Variants in ACSF2 observed in about 807,000 individuals in gnomAD.
ACSF2 encodes acyl-CoA synthetase family member 2.
ACSF2 carries 52 observed loss-of-function variants against 79.3 expected under a neutral mutation model. That is an observed-to-expected ratio of 0.66 (90% CI 0.53 to 0.83). The LOEUF is 0.83. Ranked by LOEUF, ACSF2 falls within the 40% of genes least tolerant of loss-of-function variation. ACSF2 has a pLI of 0.00. For synonymous variants in ACSF2, 283 were observed against 312.6 expected, an observed-to-expected ratio of 0.91 and a Z score of 1.00; for missense variants, 661 against 803.3, an observed-to-expected ratio of 0.82 and a Z score of 2.14.
rs77790544 is a variant in ACSF2, at chr17:50,429,341, C to T, written c.128+2952C>T. Among the ~76,000 whole-genome samples the T allele has an allele frequency of 9.1e-4, 138 of 152,208 alleles. 1 individual carries two copies. Among genetic ancestry groups the T allele is most frequent in the African/African-American group, 3.2e-3 (134 of 41,514 alleles). On this transcript the variant is annotated intron_variant, in intron 1 of 15. Transcript: ENST00000300441. ...CTTGACTGGTGTCTGGGTGGGAATT[C>T]TGACTGATTTGAAAGTAGGAGAGGA...
Position 50,473,912 on chromosome 17 carries a change from G to T in ACSF2, c.1636G>T (p.Asp546Tyr). Reference sequence around the variant, plus strand: ...CTGGAAGGTGGTGGGAGTGAAGGACGATCGGATGGGGGAAGAGATTTGTGC... The same window carrying T: ...CTGGAAGGTGGTGGGAGTGAAGGACTATCGGATGGGGGAAGAGATTTGTGC... Reference protein sequence around the residue: ...QEVQVVGVKDDRMGEEICACI... With the variant: ...QEVQVVGVKDYRMGEEICACI... Residue 546 changes from aspartate to tyrosine, a missense_variant, in exon 14 of 16, where the codon GAT becomes TAT. Asp to Tyr is a radical substitution (Grantham distance 160). Transcript: ENST00000300441. 1 of 1,587,300 alleles carries T rather than the reference G, an allele frequency of 6.3e-7. No individual in the cohort carries two copies. The highest frequency in any genetic ancestry group is 8.6e-7 in the Non-Finnish European group (1 of 1,163,946).
In ACSF2 at chr17:50,445,375, G is replaced by A. The variant is rs559723807; in HGVS notation, c.129-15302G>A. ...AAAACCTGTATGATTGCATTACAGA[G>A]GAGATACTCAGTGTTCCTTTTCTCT... On this transcript the variant is annotated intron_variant, in intron 1 of 15. Transcript: ENST00000300441. Among the ~76,000 whole-genome samples the A allele has an allele frequency of 2.5e-3, 388 of 152,282 alleles. 2 individuals are homozygous for A. The highest frequency in any genetic ancestry group is 8.9e-3 in the African/African-American group (371 of 41,562).
chr17:50,449,320 T>C (rs2031509510), intron 1 of ACSF2, among the ~76,000 whole-genome samples: 1 of 151,260 alleles, frequency 6.6e-6, no homozygotes, highest in Admixed American at 6.6e-5. Context: ...CCCGGCCCAA[T>C]ATATAGTCTT....
In ACSF2 at chr17:50,426,240, G is replaced by C. The variant is rs757421158; in HGVS notation, c.-22G>C. The C allele has an allele frequency of 9.1e-6, 12 of 1,323,722 alleles. No individual in the cohort carries two copies. In the Admixed American group the frequency reaches 3.4e-4, roughly 37 times the overall value. The allele number at this position is 1,323,722 out of a possible 1,614,324, so 82.0% of individuals were successfully genotyped here. The stretch of plus-strand genomic sequence containing the variant: ...CTCACTTTAAAAGTTTACTCGGGCC[G>C]GGACGCAGGGCAAAGCGAGCCATGG... On this transcript the variant is annotated 5_prime_UTR_variant, in exon 1 of 16. Transcript: ENST00000300441.
chr17:50,433,782 C>A (rs1224929879), intron 1 of ACSF2, among the ~76,000 whole-genome samples: 2 of 151,994 alleles, frequency 1.3e-5, no homozygotes, highest in African/African-American at 4.8e-5. Flanking sequence ...CCATGCCTTG[C>A]TAAATTTTTT....
At chr17:50,443,151 G>A (rs561054501) in intron 1 of ACSF2, among the ~76,000 whole-genome samples, 7 of 151,986 alleles carry the variant, frequency 4.6e-5, no homozygotes, top group African/African-American at 1.2e-4. Context: ...CTTGTGATCC[G>A]TCCACCTCAG....
intron 1 of ACSF2, among the ~76,000 whole-genome samples, chr17:50,432,763 C>T (rs1281777765): frequency 6.6e-6 from 1 of 152,212 alleles, no homozygotes; most frequent in Non-Finnish European, 1.5e-5. Flanking sequence ...CCCAGTCCTA[C>T]CAGTCCTAAC....
intron 10 of ACSF2, among the ~76,000 whole-genome samples, chr17:50,466,595 G>C (rs939312414): frequency 6.6e-6 from 1 of 152,220 alleles, no homozygotes; most frequent in Admixed American, 6.5e-5. Flanking sequence ...AACTTGGTCT[G>C]TGCTTGGTGG....
rs375681375 is a variant in ACSF2 at position 50,456,183 on chromosome 17, C to A, written c.129-4494C>A. ...CCTGACACGCCCCAACCCCAGTAAT[C>A]ATCGTGCATTTAACTTAGGGGTTGC... On this transcript the variant is annotated intron_variant, in intron 1 of 15. Transcript: ENST00000300441. Among the ~76,000 whole-genome samples, 8 of 152,298 alleles carry A rather than the reference C, an allele frequency of 5.3e-5. No individual in the cohort carries two copies. The East Asian group carries it at 7.7e-4, about 15-fold the overall frequency.
At chr17:50,469,108 G>C (rs1001398855) in intron 10 of ACSF2, 2 of 1,133,078 alleles carry the variant, frequency 1.8e-6, no homozygotes, top group Non-Finnish European at 1.1e-6. Flanking sequence ...CCCGGCTGTA[G>C]CCCCCCGCTC....
intron 1 of ACSF2, among the ~76,000 whole-genome samples, chr17:50,428,882 A>G (rs1391981208): frequency 6.6e-6 from 1 of 152,272 alleles, no homozygotes; most frequent in Non-Finnish European, 1.5e-5. Flanking sequence ...CATGCTGTGC[A>G]TATAGAGGCC....
chr17:50,468,454 G>A, intron 10 of ACSF2: 1 of 1,614,050 alleles, frequency 6.2e-7, no homozygotes, highest in Non-Finnish European at 8.5e-7. Context: ...CGGTCAGGTC[G>A]TCGAAGGCAC....
In ACSF2 at chr17:50,426,504, A is replaced by ACCCGCCCCTCC. The variant is rs1419391031; in HGVS notation, c.128+124_128+134dup. On this transcript the variant is annotated intron_variant, in intron 1 of 15. Coordinates refer to ENST00000300441, the MANE Select transcript of ACSF2 (RefSeq NM_025149.6). ...TGGACGAGTGCACTGGGGGGAAGGT[A>ACCCGCCCCTCC]CCCGCCCCTCCCCCGCCCCCCGCCA... is the stretch of plus-strand genomic sequence containing the variant. The ACCCGCCCCTCC allele has an allele frequency of 1.1e-5, 13 of 1,178,380 alleles. No individual in the cohort carries two copies. In the South Asian group the frequency reaches 3.4e-4, roughly 31 times the overall value. The allele number at this position is 1,178,380 out of a possible 1,614,324, so 73.0% of individuals were successfully genotyped here.
intron 1 of ACSF2, among the ~76,000 whole-genome samples, chr17:50,451,670 G>A (rs1257808049): frequency 6.6e-6 from 1 of 152,144 alleles, no homozygotes; most frequent in Non-Finnish European, 1.5e-5. Context: ...GGCTGACCTC[G>A]AACTCCTGAC....
intron 10 of ACSF2, chr17:50,465,862 A>G: frequency 6.2e-7 from 1 of 1,613,860 alleles, no homozygotes; most frequent in South Asian, 1.1e-5. Flanking sequence ...GGAAGGCACC[A>G]TCTGAGAACT....
Position 50,463,005 on chromosome 17 carries a change from C to T in ACSF2, c.793-151C>T, listed in dbSNP as rs775161825. The T allele has an allele frequency of 2.7e-5, 18 of 677,728 alleles. No homozygotes were observed. The highest frequency in any genetic ancestry group is 7.2e-5 in the South Asian group (4 of 55,278). 42.0% of individuals were successfully genotyped at this position (677,728 alleles called of 1,614,324 possible). On this transcript the variant is annotated intron_variant, in intron 6 of 15. Coordinates refer to ENST00000300441, the MANE Select transcript of ACSF2 (RefSeq NM_025149.6). This position sits in a 1 kb window ranked among gnomAD's most constrained non-coding sequence, Gnocchi z 4.6. ...ATTGCTGGACCCTGACACCTGGTAT[C>T]GTGGTAGACCTTTTGCAAATATACT...
intron 1 of ACSF2, among the ~76,000 whole-genome samples, chr17:50,443,960 A>G (rs2031120912): frequency 6.6e-6 from 1 of 152,194 alleles, no homozygotes; most frequent in African/African-American, 2.4e-5. Flanking sequence ...CTTGGGTTAC[A>G]AGGATTAACT....
At chr17:50,462,162 G>A (rs1208986256) in intron 4 of ACSF2, 22 bp from the exon 5 acceptor site, 3 of 1,608,770 alleles carry the variant, frequency 1.9e-6, no homozygotes, top group South Asian at 1.1e-5. Context: ...CTGACTGGAG[G>A]TGGGGGACTC....
chr17:50,453,500 G>A (rs148773865), intron 1 of ACSF2, among the ~76,000 whole-genome samples: 37 of 152,056 alleles, frequency 2.4e-4, no homozygotes, highest in African/African-American at 4.3e-4. Flanking sequence ...GAGCCACCGC[G>A]CTCGGCCTCA....
Sources: gnomAD v4.1 joint callset for allele counts (sites outside exome capture counted in the v4.1 genomes callset) on GRCh38, gnomAD v4.1.1 for gene constraint, Gnocchi (gnomAD v3.1) non-coding constraint, MANE v1.5 for transcripts, NCBI Gene and HGNC (gene_info 2026-07-23, HGNC 2026-07-21) for gene names.